The following ADNP variants were observed in gnomAD, a reference collection of about 807,000 sequenced individuals.
ADNP encodes the protein activity-dependent neuroprotector homeobox protein.
ADNP carries 4 observed loss-of-function variants against 84.9 expected under a neutral mutation model. The observed-to-expected ratio is 0.05, with a 90% CI of 0.02 to 0.11. The LOEUF (loss-of-function observed/expected upper bound fraction) is 0.11. Among genes scored for constraint, ADNP ranks in the 10% least tolerant of loss-of-function variants. ADNP has a pLI of 1.00. For missense variants in ADNP, 1,132 were observed against 1,326.0 expected (o/e 0.85, Z 2.27); for synonymous variants, 554 against 468.1 (o/e 1.18, Z -2.37).
Position 50,893,517 on chromosome 20 carries a change from G to T in ADNP, c.1197C>A (p.Ala399=). Reference sequence around the variant, plus strand: ...TTAACTGGCCCGATGAGAGAGAAGAGGCATTAGCAGACTGCAGGGAGTATC... The same window carrying T: ...TTAACTGGCCCGATGAGAGAGAAGATGCATTAGCAGACTGCAGGGAGTATC... ...PARYSLQSAN[A]SSLSSGQLKS... The change falls in exon 6 of 6, where the codon GCC becomes GCA. Residue 399 remains alanine (A), a synonymous_variant. Coordinates refer to ENST00000621696, the MANE Select transcript of ADNP (RefSeq NM_001282531.3). The surrounding 1 kb of genome is among the most constrained non-coding windows in gnomAD (Gnocchi z 4.4). The T allele has an allele frequency of 6.2e-7, 1 of 1,613,798 alleles. No homozygotes were observed. Among genetic ancestry groups the T allele is most frequent in the Non-Finnish European group, 8.5e-7 (1 of 1,180,016 alleles).
At chr20:50,898,529 G>A (rs1981642423) in intron 5 of ADNP, among the ~76,000 whole-genome samples, 1 of 152,220 alleles carries the variant, frequency 6.6e-6, no homozygotes, top group African/African-American at 2.4e-5. Flanking sequence ...AACAGCTTCT[G>A]TCACTTTGTT....
chr20:50,891,650 C>T lies in ADNP; in HGVS notation c.3064G>A (p.Asp1022Asn), dbSNP rs1214709503. 2 of 1,614,208 alleles carry T rather than the reference C, an allele frequency of 1.2e-6. No homozygotes were observed. The highest frequency in any genetic ancestry group is 1.7e-6 in the Non-Finnish European group (2 of 1,180,046). The stretch of plus-strand genomic sequence containing the variant: ...TTCTTCCATTTCAACTGCTCTCTGT[C>T]ACCTTGCATGGTAGCCTTTTTTTTG... ...AAKKKATMQG[D>N]REQLKWKNSS... The change falls in exon 6 of 6, where the codon GAC becomes AAC. Residue 1022 changes from aspartate (D) to asparagine (N), a missense_variant. Transcript: ENST00000621696.
intron 1 of ADNP, among the ~76,000 whole-genome samples, chr20:50,930,236 G>A (rs1181112671): frequency 6.6e-6 from 1 of 152,218 alleles, no homozygotes; most frequent in East Asian, 1.9e-4. Flanking sequence ...AGCTGAGATT[G>A]GGGAAAAGGG....
In ADNP at chr20:50,891,057, G is replaced by A. The variant is rs1371132769; in HGVS notation, c.*348C>T. ...GTATGTTGGCCCTACACTACCATGT[G>A]AATTAGTTTAACACTTCTCAAAGAC... On this transcript the variant is annotated 3_prime_UTR_variant, in exon 6 of 6. Coordinates refer to ENST00000621696, the MANE Select transcript of ADNP (RefSeq NM_001282531.3). 1 of 1,074,360 alleles carries A rather than the reference G, an allele frequency of 9.3e-7. No homozygotes were observed. Among genetic ancestry groups the A allele is most frequent in the Non-Finnish European group, 1.1e-6 (1 of 887,842 alleles). The allele number at this position is 1,074,360 out of a possible 1,614,324, so 66.6% of individuals were successfully genotyped here. A position where few individuals can be genotyped will look rare whatever the true frequency, so the allele number is the denominator to read the frequency against.
chr20:50,919,291 G>GTA (rs199569280), intron 2 of ADNP, among the ~76,000 whole-genome samples: 4,868 of 77,016 alleles, frequency 0.063, 158 homozygotes, highest in East Asian at 0.15. Flanking sequence ...ATATTTAAGT[G>GTA]TATATATATA....
rs369712215 is a variant in ADNP at position 50,892,219 on chromosome 20, T to A, written c.2495A>T (p.Asn832Ile). 1.2e-6 allele frequency: 2 copies of A among 1,614,104 alleles called. No homozygotes were observed. Among genetic ancestry groups the A allele is most frequent in the African/African-American group, 1.3e-5 (1 of 74,930 alleles). The change falls in exon 6 of 6, where the codon AAT becomes ATT. Residue 832 changes from asparagine to isoleucine, a missense_variant. Asn to Ile is a moderately radical substitution (Grantham distance 149). Around this residue, in one of 10 missense-constraint regions of ADNP, gnomAD observed 381 missense variants for 319.9 expected, o/e 1.19. Transcript: ENST00000621696. The part of the protein sequence containing the change: ...VLLGFNMKEL[N>I]KVKHEMDFDA... ...AAAATCCATCTCATGCTTGACTTTA[T>A]TTAATTCTTTCATGTTAAACCCCAG...
rs1336359089 is a variant in ADNP at position 50,893,859 on chromosome 20, T to C, written c.855A>G (p.Pro285=). Residue 285 remains proline, a synonymous_variant, in exon 6 of 6, where the codon CCA becomes CCG. Coordinates refer to ENST00000621696, the MANE Select transcript of ADNP (RefSeq NM_001282531.3). This position sits in a 1 kb window ranked among gnomAD's most constrained non-coding sequence, Gnocchi z 4.4. ...TTCCAGAAGCAAGGGAACCGATCCTTGGTGGGAGTCCCATGCTCTTCTTGT... is the reference window on the plus strand; with the variant it reads ...TTCCAGAAGCAAGGGAACCGATCCTCGGTGGGAGTCCCATGCTCTTCTTGT... The part of the protein sequence containing the change: ...PQDKKSMGLP[P]RIGSLASGNV... 4 of 1,614,178 alleles carry C rather than the reference T, an allele frequency of 2.5e-6. No individual in the cohort carries two copies. The highest frequency in any genetic ancestry group is 3.4e-6 in the Non-Finnish European group (4 of 1,180,032).
intron 2 of ADNP, among the ~76,000 whole-genome samples, chr20:50,925,263 TACACACACACACACAC>T (rs57985341): frequency 4.7e-5 from 7 of 148,998 alleles, no homozygotes; most frequent in African/African-American, 1.7e-4. Flanking sequence ...TGACTTCCTA[TACACACACACACACAC>T]ACACACACAC....
In ADNP at chr20:50,890,260, C is replaced by A; in HGVS notation, c.*1145G>T. 5.3e-6 allele frequency: 1 copy of A among 189,956 alleles called. No individual in the cohort carries two copies. The highest frequency in any genetic ancestry group is 1.1e-4 in the East Asian group (1 of 8,826). 11.8% of individuals were successfully genotyped at this position (189,956 alleles called of 1,614,324 possible). A position where few individuals can be genotyped will look rare whatever the true frequency, so the allele number is the denominator to read the frequency against. On this transcript the variant is annotated 3_prime_UTR_variant, in exon 6 of 6. Transcript: ENST00000621696. ...CAAGTTTCCTCTGTGACTGTGGCTG[C>A]CATCTCTGATGAAAGAGTTATGGCA...
At chr20:50,898,484 G>A (rs1981635802) in intron 5 of ADNP, among the ~76,000 whole-genome samples, 1 of 152,162 alleles carries the variant, frequency 6.6e-6, no homozygotes, top group Non-Finnish European at 1.5e-5. Flanking sequence ...TTGAATTTTT[G>A]TTAGTCTCAT....
chr20:50,901,127 C>T (rs910830661), intron 5 of ADNP, among the ~76,000 whole-genome samples: 1 of 151,722 alleles, frequency 6.6e-6, no homozygotes, highest in African/African-American at 2.4e-5. Flanking sequence ...ATCTTTTCTC[C>T]CTAGAAACCT....
chr20:50,908,147 G>GTTTTTTTTTTTTT (rs142605027), intron 2 of ADNP, among the ~76,000 whole-genome samples: 1 of 105,918 alleles, frequency 9.4e-6, no homozygotes, highest in Non-Finnish European at 1.9e-5. Flanking sequence ...AGATTTTTCT[G>GTTTTTTTTTTTTT]TTTTTTTTTT....
chr20:50,906,061 A>C (rs1982444999), intron 2 of ADNP, among the ~76,000 whole-genome samples: 1 of 152,102 alleles, frequency 6.6e-6, no homozygotes, highest in Non-Finnish European at 1.5e-5. Flanking sequence ...AAATACAAAA[A>C]ATTAGCTGGA....
chr20:50,899,945 A>C (rs1171691395), intron 5 of ADNP, among the ~76,000 whole-genome samples: 2 of 150,148 alleles, frequency 1.3e-5, no homozygotes, highest in African/African-American at 5.0e-5. Flanking sequence ...GCAGTGTGGA[A>C]GGGGACCCGG....
rs1210714680 is a variant in ADNP, at chr20:50,893,415, T to G, written c.1299A>C (p.Thr433=). 1 of 1,614,200 alleles carries G rather than the reference T, an allele frequency of 6.2e-7. No homozygotes were observed. The highest frequency in any genetic ancestry group is 1.7e-5 in the Admixed American group (1 of 60,028). ...QSSSKPAAAA[T]GPPPGNTSST... Reference sequence around the variant, plus strand: ...AGGAAGTGTTACCTGGGGGAGGGCCTGTGGCAGCTGCAGCAGGTTTGGAAC... The same window carrying G: ...AGGAAGTGTTACCTGGGGGAGGGCCGGTGGCAGCTGCAGCAGGTTTGGAAC... The change falls in exon 6 of 6, where the codon ACA becomes ACC. Residue 433 remains threonine (T), a synonymous_variant. Transcript: ENST00000621696. This position sits in a 1 kb window ranked among gnomAD's most constrained non-coding sequence, Gnocchi z 4.4.
intron 5 of ADNP, among the ~76,000 whole-genome samples, chr20:50,897,360 A>C (rs1600943067): frequency 1.3e-5 from 2 of 152,222 alleles, no homozygotes; most frequent in Middle Eastern, 6.8e-3. Context: ...CTCTTCACCT[A>C]TGCGGGAACT....
At chr20:50,928,407 GGGT>G (rs1266921685) in intron 2 of ADNP, among the ~76,000 whole-genome samples, 2 of 152,166 alleles carry the variant, frequency 1.3e-5, no homozygotes, top group African/African-American at 4.8e-5. Context: ...TTATACAAAG[GGGT>G]GTAGAATGCA....
chr20:50,923,559 C>G (rs1271344509), intron 2 of ADNP, among the ~76,000 whole-genome samples: 1 of 151,960 alleles, frequency 6.6e-6, no homozygotes, highest in Non-Finnish European at 1.5e-5. Context: ...ACTCTGTCAC[C>G]CAGGCTAGAG....
intron 2 of ADNP, among the ~76,000 whole-genome samples, chr20:50,905,939 A>T (rs998378796): frequency 6.6e-6 from 1 of 152,220 alleles, no homozygotes; most frequent in Non-Finnish European, 1.5e-5. Context: ...CACACTGGGC[A>T]TGGTGCCTCA....
Sources: gnomAD v4.1 joint callset for allele counts (sites outside exome capture counted in the v4.1 genomes callset) on GRCh38, gnomAD v4.1.1 for gene constraint, gnomAD v4.1.1 regional missense constraint, Gnocchi (gnomAD v3.1) non-coding constraint, MANE v1.5 for transcripts, NCBI Gene and HGNC (gene_info 2026-07-23, HGNC 2026-07-21) for gene names.